Variants in CMTM8 observed in about 807,000 individuals in gnomAD.
CMTM8 encodes CKLF-like MARVEL transmembrane domain-containing protein 8.
A neutral mutation model predicts 18.6 loss-of-function variants in CMTM8; 12 were observed. The ratio of observed to expected loss-of-function variants is 0.65; its 90% CI spans 0.41 to 1.05. The LOEUF is 1.05. CMTM8 is among the 50% of genes least tolerant of loss of function. The probability of loss-of-function intolerance (pLI) is 0.00; values close to 1 mark genes in which losing one functional copy is unlikely to be tolerated. For synonymous variants in CMTM8, 87 were observed against 90.6 expected, an observed-to-expected ratio of 0.96 and a Z score of 0.23; for missense variants, 217 against 227.2, an observed-to-expected ratio of 0.95 and a Z score of 0.29.
intron 1 of CMTM8, among the ~76,000 whole-genome samples, chr3:32,335,021 C>T (rs899583651): frequency 2.6e-5 from 4 of 152,210 alleles, no homozygotes; most frequent in Non-Finnish European, 5.9e-5. Flanking sequence ...CATTTGGGGG[C>T]TGGGTCTCTC....
chr3:32,280,427 G>T (rs1218283629), intron 1 of CMTM8, among the ~76,000 whole-genome samples: 2 of 151,860 alleles, frequency 1.3e-5, no homozygotes, highest in Non-Finnish European at 2.9e-5. Context: ...TTTGCATAGG[G>T]GTATAACTTT....
At chr3:32,259,773 C>T (rs1702230578) in intron 1 of CMTM8, 1 of 870,252 alleles carries the variant, frequency 1.1e-6, no homozygotes, top group Middle Eastern at 3.0e-4. Flanking sequence ...GAGGAGAGCA[C>T]CACAGTGGTC....
chr3:32,324,147 A>G (rs1193255008), intron 1 of CMTM8, among the ~76,000 whole-genome samples: 2 of 152,122 alleles, frequency 1.3e-5, no homozygotes, highest in Non-Finnish European at 2.9e-5. Context: ...GTTAATTTCC[A>G]TGTCTTTCAC....
chr3:32,353,967 T>C (rs1310850602), intron 1 of CMTM8, among the ~76,000 whole-genome samples: 2 of 152,038 alleles, frequency 1.3e-5, no homozygotes, highest in African/African-American at 2.4e-5. Flanking sequence ...GTATTTTTAG[T>C]AGAGACGGGG....
intron 1 of CMTM8, among the ~76,000 whole-genome samples, chr3:32,356,886 G>A (rs1276665541): frequency 5.3e-5 from 8 of 152,120 alleles, no homozygotes; most frequent in Non-Finnish European, 1.5e-5. Context: ...TGTTCTCCTG[G>A]GATGGAGAAG....
intron 1 of CMTM8, among the ~76,000 whole-genome samples, chr3:32,247,261 G>A (rs1300813139): frequency 7.1e-6 from 1 of 140,918 alleles, no homozygotes; most frequent in East Asian, 2.2e-4. Flanking sequence ...CTACAACTCA[G>A]GGGTTTTTAG....
intron 1 of CMTM8, among the ~76,000 whole-genome samples, chr3:32,293,006 G>A (rs928928543): frequency 2.0e-5 from 3 of 151,798 alleles, no homozygotes; most frequent in African/African-American, 4.8e-5. Context: ...ATATATCCAT[G>A]TCCTGATAGA....
At chr3:32,290,608 G>C (rs765997494) in intron 1 of CMTM8, among the ~76,000 whole-genome samples, 10 of 152,178 alleles carry the variant, frequency 6.6e-5, no homozygotes, top group African/African-American at 9.7e-5. Flanking sequence ...CTCAGGCTAG[G>C]GCCGGTGTTT....
intron 1 of CMTM8, among the ~76,000 whole-genome samples, chr3:32,265,520 A>G (rs1329580554): frequency 5.9e-5 from 9 of 152,136 alleles, no homozygotes; most frequent in Non-Finnish European, 1.3e-4. Flanking sequence ...TAAAATTGAC[A>G]CCCTAACATC....
chr3:32,249,245 A>G (rs1226998389), intron 1 of CMTM8, among the ~76,000 whole-genome samples: 1 of 151,486 alleles, frequency 6.6e-6, no homozygotes, highest in African/African-American at 2.4e-5. Flanking sequence ...CCTAGGCAAC[A>G]TGGTGGAACC....
chr3:32,316,547 G>T (rs1338169166), intron 1 of CMTM8, among the ~76,000 whole-genome samples: 2 of 152,188 alleles, frequency 1.3e-5, no homozygotes, highest in African/African-American at 2.4e-5. Flanking sequence ...AGCCTTTATT[G>T]TTGAAAGGTT....
intron 1 of CMTM8, among the ~76,000 whole-genome samples, chr3:32,339,760 A>G (rs1033333923): frequency 1.3e-5 from 2 of 152,168 alleles, no homozygotes; most frequent in South Asian, 2.1e-4. Context: ...TCAGGAGATC[A>G]AGACCATCCT....
At chr3:32,367,206 A>G (rs181699813) in intron 2 of CMTM8, among the ~76,000 whole-genome samples, 10 of 152,252 alleles carry the variant, frequency 6.6e-5, no homozygotes, top group African/African-American at 1.9e-4. Flanking sequence ...ATGGTTTCCT[A>G]TGCATGGTTC....
chr3:32,340,078 A>G (rs1696464067), intron 1 of CMTM8, among the ~76,000 whole-genome samples: 1 of 152,260 alleles, frequency 6.6e-6, no homozygotes, highest in African/African-American at 2.4e-5. Flanking sequence ...TATCTCAGCC[A>G]GCTGATTGCA....
rs111475732 is a variant in CMTM8 at position 32,342,076 on chromosome 3, C to T, written c.148-15297C>T. The stretch of plus-strand genomic sequence containing the variant: ...CAGCCTGGCCAACATGGGGAAACCC[C>T]GTCTCTACTAAAAACATAAAAATTA... On this transcript the variant is annotated intron_variant, in intron 1 of 3. Coordinates refer to ENST00000307526, the MANE Select transcript of CMTM8 (RefSeq NM_178868.5). 1.9e-3 allele frequency among the ~76,000 whole-genome samples: 290 copies of T among 152,016 alleles called. 1 individual carries two copies. The highest frequency in any genetic ancestry group is 6.5e-3 in the African/African-American group (269 of 41,470).
At chr3:32,275,847 G>T (rs887879618) in intron 1 of CMTM8, among the ~76,000 whole-genome samples, 1 of 151,730 alleles carries the variant, frequency 6.6e-6, no homozygotes, top group African/African-American at 2.4e-5. Flanking sequence ...ATGGGGTTTC[G>T]CTATGTTGGC....
At chr3:32,291,701 A>T (rs1559371306) in intron 1 of CMTM8, among the ~76,000 whole-genome samples, 1 of 152,198 alleles carries the variant, frequency 6.6e-6, no homozygotes, top group Non-Finnish European at 1.5e-5. Flanking sequence ...AAAAGAATGA[A>T]TCTGGAAACC....
chr3:32,267,889 TAATGAGATACC>T (rs1166952280), intron 1 of CMTM8, among the ~76,000 whole-genome samples: 1 of 152,082 alleles, frequency 6.6e-6, no homozygotes, highest in African/African-American at 2.4e-5. Context: ...ATCAAAACCA[TAATGAGATACC>T]ATCTCACACC....
intron 2 of CMTM8, among the ~76,000 whole-genome samples, chr3:32,360,179 A>G (rs1435898111): frequency 6.6e-6 from 1 of 152,222 alleles, no homozygotes; most frequent in Non-Finnish European, 1.5e-5. Context: ...TGCCACCCAG[A>G]CACACTTTCT....
Sources: gnomAD v4.1 joint callset for allele counts (sites outside exome capture counted in the v4.1 genomes callset) on GRCh38, gnomAD v4.1.1 for gene constraint, MANE v1.5 for transcripts, NCBI Gene and HGNC (gene_info 2026-07-23, HGNC 2026-07-21) for gene names.